The following ANO7 variants were observed in gnomAD, a reference collection of about 807,000 sequenced individuals.
ANO7 encodes anoctamin 7.
A neutral mutation model predicts 115.8 loss-of-function variants in ANO7; 114 were observed. The observed-to-expected ratio is 0.98, with a 90% CI of 0.85 to 1.15. The LOEUF is 1.15. Ranked by LOEUF, ANO7 falls within the 50% of genes most tolerant of loss-of-function variation. ANO7 has a pLI of 0.00. For synonymous variants in ANO7, 550 were observed against 498.2 expected, an observed-to-expected ratio of 1.10 and a Z score of -1.38; for missense variants, 1,302 against 1,201.2, an observed-to-expected ratio of 1.08 and a Z score of -1.24.
rs535858903 is a variant in ANO7 at position 241,224,208 on chromosome 2, G to GAGC, written c.*59_*61dup. 1.4e-3 allele frequency: 2,187 copies of GAGC among 1,591,550 alleles called. 10 individuals are homozygous for GAGC. Among genetic ancestry groups the GAGC allele is most frequent in the South Asian group, 4.0e-3 (358 of 90,004 alleles). ...GGGAGTGGCCCCTCCTGAGCCCTGCGAGCAGCGTCCTTTTCCTCTTCCCTC... is the reference window on the plus strand; with the variant it reads ...GGGAGTGGCCCCTCCTGAGCCCTGCGAGCAGCAGCGTCCTTTTCCTCTTCCCTC... On this transcript the variant is annotated 3_prime_UTR_variant, in exon 25 of 25. Coordinates refer to ENST00000674324, the MANE Select transcript of ANO7 (RefSeq NM_001370694.2).
At chr2:241,237,069 A>C in the ANO7 span, among the ~76,000 whole-genome samples, 736 of 151,992 alleles carry the variant, frequency 4.8e-3, 5 homozygotes, top group African/African-American at 0.016. Context: ...AGCTAACAGC[A>C]ACTAACTACA....
intron 18 of ANO7, 55 bp from the exon 19 acceptor site, chr2:241,216,038 A>G (rs955931764): frequency 1.2e-5 from 19 of 1,552,010 alleles, no homozygotes; most frequent in Non-Finnish European, 1.6e-5. Flanking sequence ...GGACTATAGC[A>G]GCCACTGAGA....
intron 9 of ANO7, 111 bp from the exon 10 acceptor site, chr2:241,204,754 C>G (rs2068550289): frequency 1.3e-6 from 1 of 754,718 alleles, no homozygotes; most frequent in African/African-American, 1.7e-5. Flanking sequence ...GCCCCAGCCC[C>G]CAAGCTGGGC....
At chr2:241,221,519 G>A (rs745658845) in intron 21 of ANO7, among the ~76,000 whole-genome samples, 3 of 151,726 alleles carry the variant, frequency 2.0e-5, no homozygotes, top group Admixed American at 6.6e-5. Flanking sequence ...ACAGGCGTGC[G>A]CTACCACACC....
rs550044145 is a variant in ANO7, at chr2:241,209,211, G to A, written c.1078-74G>A. ...TGTGGGATGCACACTCCCATTCCAG[G>A]AGGAAGGAACACTGGAAGGAACAAG... On this transcript the variant is annotated intron_variant, in intron 11 of 24. Coordinates refer to ENST00000674324, the MANE Select transcript of ANO7 (RefSeq NM_001370694.2). The A allele has an allele frequency of 9.8e-5, 143 of 1,461,312 alleles. No homozygotes were observed. The African/African-American group carries it at 1.8e-3, about 18-fold the overall frequency. 90.5% of individuals were successfully genotyped at this position (1,461,312 alleles called of 1,614,324 possible).
intron 18 of ANO7, 116 bp from the exon 19 acceptor site, chr2:241,215,977 C>A: frequency 7.6e-7 from 1 of 1,322,404 alleles, no homozygotes; most frequent in Non-Finnish European, 1.0e-6. Flanking sequence ...TCCCTCCCTG[C>A]TGCCCTTCAA....
At position 241,211,451 on chromosome 2, in the gene ANO7, T is replaced by A. The variant is rs1413703262; in HGVS notation, c.1562-643T>A. On this transcript the variant is annotated intron_variant, in intron 15 of 24. Coordinates refer to ENST00000674324, the MANE Select transcript of ANO7 (RefSeq NM_001370694.2). ...GGGGTGAATAGTCTTGAACAAAAGC[T>A]GGCAGCCCCACCCTGGAGCCCAGGT... 2.6e-5 allele frequency among the ~76,000 whole-genome samples: 4 copies of A among 152,244 alleles called. No homozygotes were observed. In the East Asian group the frequency reaches 7.7e-4, roughly 29 times the overall value.
Position 241,203,056 on chromosome 2 carries a change from T to A in ANO7, c.724-277T>A, listed in dbSNP as rs771938236. Among the ~76,000 whole-genome samples, 4 of 152,104 alleles carry A rather than the reference T, an allele frequency of 2.6e-5. No individual in the cohort carries two copies. Among genetic ancestry groups the A allele is most frequent in the Non-Finnish European group, 5.9e-5 (4 of 67,986 alleles). On this transcript the variant is annotated intron_variant, in intron 8 of 24. Transcript: ENST00000674324. This position sits in a 1 kb window ranked among gnomAD's most constrained non-coding sequence, Gnocchi z 4.8. The stretch of plus-strand genomic sequence containing the variant: ...GTGCTGGACCCTGGACCACCGCCAC[T>A]GGCTTCTCTCAGGGTGGCCTCTCCA...
chr2:241,236,539 T>C, the ANO7 span: 25 of 1,489,826 alleles, frequency 1.7e-5, 1 homozygote, highest in African/African-American at 2.9e-4. Context: ...GTCCATCCCA[T>C]CCAGGCCACG....
chr2:241,200,646 G>A (rs753457600), intron 6 of ANO7, among the ~76,000 whole-genome samples: 6 of 152,328 alleles, frequency 3.9e-5, no homozygotes, highest in South Asian at 2.1e-4. Context: ...CACGTGTGTC[G>A]TCCACACACA....
intron 17 of ANO7, chr2:241,212,997 A>C (rs1574786594): frequency 3.2e-5 from 7 of 220,888 alleles, no homozygotes; most frequent in Admixed American, 5.3e-5. Context: ...CAAACCAAAA[A>C]CCCTACCCCA....
At chr2:241,210,879 A>G (rs1384888228) in intron 15 of ANO7, among the ~76,000 whole-genome samples, 1 of 150,950 alleles carries the variant, frequency 6.6e-6, no homozygotes, top group Non-Finnish European at 1.5e-5. Context: ...TGTGTGGCTC[A>G]GGCTGGTCTC....
chr2:241,218,296 C>G lies in ANO7; in HGVS notation c.2236C>G (p.Arg746Gly), dbSNP rs775914484. The change falls in exon 21 of 25, where the codon CGC becomes GGC. Residue 746 changes from arginine to glycine, a missense_variant. Physicochemically the swap from Arg to Gly is moderately radical, Grantham distance 125. Transcript: ENST00000674324. ...GCCGCGCGCCTACTACCGGTGGACC[C>G]GCGCCCACGACCTGCGCGGCTTCCT... The part of the protein sequence containing the change: ...FLPRAYYRWT[R>G]AHDLRGFLNF... 4.6e-6 allele frequency: 7 copies of G among 1,536,102 alleles called. No homozygotes were observed. Among genetic ancestry groups the G allele is most frequent in the Middle Eastern group, 1.9e-4 (1 of 5,384 alleles).
chr2:241,232,229 T>G, the ANO7 span, among the ~76,000 whole-genome samples: 4 of 151,802 alleles, frequency 2.6e-5, no homozygotes, highest in Middle Eastern at 3.5e-3. Flanking sequence ...CCACCCCACT[T>G]GGCTCATGGT....
chr2:241,215,138 C>CAG (rs1441895541), intron 18 of ANO7, among the ~76,000 whole-genome samples: 4 of 152,186 alleles, frequency 2.6e-5, no homozygotes, highest in Non-Finnish European at 5.9e-5. Flanking sequence ...GGAGACGCTA[C>CAG]CCCTGGGACC....
In ANO7 at chr2:241,224,314, C is replaced by T; in HGVS notation, c.*161C>T. ...GCCTGCTTCCCCCCAGCGCCGGCTT[C>T]TCTCCTCAGAGCGCCTGTCACTCCA... On this transcript the variant is annotated 3_prime_UTR_variant, in exon 25 of 25. Coordinates refer to ENST00000674324, the MANE Select transcript of ANO7 (RefSeq NM_001370694.2). 2.6e-6 allele frequency: 2 copies of T among 777,712 alleles called. No homozygotes were observed. The highest frequency in any genetic ancestry group is 4.1e-6 in the Non-Finnish European group (2 of 491,048). The allele number at this position is 777,712 out of a possible 1,614,324, so 48.2% of individuals were successfully genotyped here.
chr2:241,216,878 G>A (rs960755900), intron 19 of ANO7, among the ~76,000 whole-genome samples: 2 of 152,346 alleles, frequency 1.3e-5, no homozygotes, highest in African/African-American at 4.8e-5. Context: ...CTGTCGCCCA[G>A]GCTGGAGTGC....
chr2:241,210,551 C>G lies in ANO7; in HGVS notation c.1542C>G (p.Ala514=). ...LILSKIYVSL[A]HVLTRWEMHR... ...TCTCCAAGATCTATGTATCCCTGGC[C>G]CACGTCCTGACACGATGGGGTGAGT... The change falls in exon 15 of 25, where the codon GCC becomes GCG. Residue 514 remains alanine, a synonymous_variant. Coordinates refer to ENST00000674324, the MANE Select transcript of ANO7 (RefSeq NM_001370694.2). 6.2e-7 allele frequency: 1 copy of G among 1,613,854 alleles called. No homozygotes were observed. The highest frequency in any genetic ancestry group is 8.5e-7 in the Non-Finnish European group (1 of 1,179,992).
At chr2:241,211,413 T>C (rs1322298555) in intron 15 of ANO7, among the ~76,000 whole-genome samples, 2 of 152,212 alleles carry the variant, frequency 1.3e-5, no homozygotes, top group African/African-American at 4.8e-5. Context: ...TCACTAGCCC[T>C]GCTCTAGCCC....
Sources: gnomAD v4.1 joint callset for allele counts (sites outside exome capture counted in the v4.1 genomes callset) on GRCh38, gnomAD v4.1.1 for gene constraint, Gnocchi (gnomAD v3.1) non-coding constraint, MANE v1.5 for transcripts, NCBI Gene and HGNC (gene_info 2026-07-23, HGNC 2026-07-21) for gene names.